ASAP2: variants seen among roughly 807,000 people sequenced by gnomAD.
The protein encoded by ASAP2 is arf-GAP with SH3 domain, ANK repeat and PH domain-containing protein 2.
Under a neutral mutation model 131.4 loss-of-function variants are expected in ASAP2, and 45 were observed. That is an observed-to-expected ratio of 0.34 (90% CI 0.27 to 0.44). The LOEUF (loss-of-function observed/expected upper bound fraction) is 0.44, where lower values mean the gene tolerates loss of function less well. Among genes scored for constraint, ASAP2 ranks in the 20% least tolerant of loss-of-function variants. The pLI, the probability that ASAP2 is intolerant of heterozygous loss-of-function variation, is 1.00. For synonymous variants in ASAP2, 510 were observed against 503.0 expected, an observed-to-expected ratio of 1.01 and a Z score of -0.19; for missense variants, 1,011 against 1,297.0, an observed-to-expected ratio of 0.78 and a Z score of 3.39.
rs1312142215 is a variant in ASAP2, at chr2:9,234,365, T to TGG, written c.126+27135_126+27136insGG. On this transcript the variant is annotated intron_variant, in intron 1 of 27. Transcript: ENST00000281419. ...TCAGTGAGAAAACCCGGGGAGAACA[T>TGG]TTAGCCAGAGCCTGTCGCATGGCTG... Among the ~76,000 whole-genome samples, 15 of 152,200 alleles carry TGG rather than the reference T, an allele frequency of 9.9e-5. 1 individual carries two copies. The South Asian group carries it at 2.5e-3, about 25-fold the overall frequency.
intron 1 of ASAP2, among the ~76,000 whole-genome samples, chr2:9,229,817 GCCTGGC>G (rs1320586777): frequency 2.0e-5 from 3 of 152,186 alleles, no homozygotes; most frequent in Admixed American, 6.5e-5. Context: ...TGAAGCAAGT[GCCTGGC>G]CCTGGAGGTG....
intron 20 of ASAP2, among the ~76,000 whole-genome samples, chr2:9,381,745 C>T (rs974402053): frequency 3.9e-5 from 6 of 152,018 alleles, no homozygotes; most frequent in Non-Finnish European, 7.4e-5. Flanking sequence ...TCCACAAAAA[C>T]GTTTCGAATT....
intron 6 of ASAP2, among the ~76,000 whole-genome samples, chr2:9,324,027 A>G (rs1277632561): frequency 6.6e-6 from 1 of 152,144 alleles, no homozygotes; most frequent in Non-Finnish European, 1.5e-5. Context: ...CTTGCACTGG[A>G]TGGTATTTGT....
At chr2:9,293,591 T>A (rs1424018930) in intron 2 of ASAP2, among the ~76,000 whole-genome samples, 2 of 152,226 alleles carry the variant, frequency 1.3e-5, no homozygotes, top group Non-Finnish European at 2.9e-5. Context: ...AGGCACTGAA[T>A]GATTTTCTGT....
At chr2:9,287,704 A>G (rs912994861) in intron 2 of ASAP2, among the ~76,000 whole-genome samples, 1 of 152,168 alleles carries the variant, frequency 6.6e-6, no homozygotes, top group African/African-American at 2.4e-5. Context: ...GAAGTTATAG[A>G]GGGAGGTGAG....
chr2:9,271,736 C>T (rs752302470), intron 1 of ASAP2: 61 of 423,620 alleles, frequency 1.4e-4, no homozygotes, highest in Middle Eastern at 5.3e-4. Flanking sequence ...GCTGAGTCCT[C>T]GGCAGTGGCT....
At chr2:9,341,768 A>G (rs1055622797) in intron 9 of ASAP2, among the ~76,000 whole-genome samples, 1 of 152,112 alleles carries the variant, frequency 6.6e-6, no homozygotes, top group African/African-American at 2.4e-5. Context: ...TTTGCTCTAA[A>G]TTTTGGTGCC....
intron 1 of ASAP2, among the ~76,000 whole-genome samples, chr2:9,277,304 C>T (rs896718884): frequency 6.6e-5 from 10 of 152,166 alleles, no homozygotes; most frequent in African/African-American, 1.9e-4. Context: ...GCCTAGGTCC[C>T]GCGAGTCTGC....
At chr2:9,241,008 T>C (rs1663923047) in intron 1 of ASAP2, among the ~76,000 whole-genome samples, 1 of 152,244 alleles carries the variant, frequency 6.6e-6, no homozygotes, top group African/African-American at 2.4e-5. Context: ...GTGTGAGATT[T>C]CATCTCTTGA....
At chr2:9,300,874 T>C (rs1301078678) in intron 3 of ASAP2, among the ~76,000 whole-genome samples, 2 of 152,314 alleles carry the variant, frequency 1.3e-5, no homozygotes, top group African/African-American at 4.8e-5. Flanking sequence ...GGAAGTCGGA[T>C]TGTTGATCCT....
At chr2:9,383,619 T>C (rs2715858) in intron 20 of ASAP2, among the ~76,000 whole-genome samples, 41,554 of 151,990 alleles carry the variant, frequency 0.27, 10,908 homozygotes, top group African/African-American at 0.69. Flanking sequence ...ATTCAGACCC[T>C]TCCCATAATC....
chr2:9,397,948 T>C (rs1166845146), intron 24 of ASAP2, among the ~76,000 whole-genome samples: 4 of 150,394 alleles, frequency 2.7e-5, no homozygotes, highest in African/African-American at 9.8e-5. Flanking sequence ...TTAGTAGAGA[T>C]GAGGTTTCAG....
intron 6 of ASAP2, 66 bp from the exon 7 acceptor site, chr2:9,327,760 T>C (rs774723673): frequency 7.4e-6 from 9 of 1,222,288 alleles, no homozygotes; most frequent in South Asian, 1.4e-5. Flanking sequence ...ATCTCAGTCC[T>C]CAGAAGCTCC....
intron 1 of ASAP2, among the ~76,000 whole-genome samples, chr2:9,272,019 C>G (rs1014545850): frequency 2.6e-5 from 4 of 152,052 alleles, no homozygotes; most frequent in African/African-American, 9.7e-5. Flanking sequence ...GCAGTAAACA[C>G]GGGAGAGCAG....
At chr2:9,351,501 C>G (rs1478705291) in intron 12 of ASAP2, among the ~76,000 whole-genome samples, 1 of 152,030 alleles carries the variant, frequency 6.6e-6, no homozygotes, top group African/African-American at 2.4e-5. Flanking sequence ...TAAGATAAAC[C>G]TTTTTTCCTA....
intron 1 of ASAP2, among the ~76,000 whole-genome samples, chr2:9,255,959 A>G (rs1303955536): frequency 3.9e-5 from 6 of 152,112 alleles, no homozygotes; most frequent in Non-Finnish European, 7.4e-5. Flanking sequence ...GGGGTTTATA[A>G]GCAGGTTATA....
chr2:9,402,180 G>T (rs1676768735), intron 27 of ASAP2, among the ~76,000 whole-genome samples: 1 of 152,200 alleles, frequency 6.6e-6, no homozygotes, highest in Admixed American at 6.5e-5. Flanking sequence ...ACTGTCTTTA[G>T]TCACTGTCCC....
chr2:9,402,970 C>T (rs1008963299), intron 27 of ASAP2, among the ~76,000 whole-genome samples: 1 of 152,188 alleles, frequency 6.6e-6, no homozygotes, highest in African/African-American at 2.4e-5. Context: ...AGACAGCTGA[C>T]CTGTGTGCCT....
chr2:9,297,788 A>G (rs1215583944), intron 3 of ASAP2, among the ~76,000 whole-genome samples: 1 of 152,198 alleles, frequency 6.6e-6, no homozygotes, highest in Non-Finnish European at 1.5e-5. Flanking sequence ...GTAGGCATTT[A>G]AGCTTATAAT....
Sources: gnomAD v4.1 joint callset for allele counts (sites outside exome capture counted in the v4.1 genomes callset) on GRCh38, gnomAD v4.1.1 for gene constraint, MANE v1.5 for transcripts, NCBI Gene and HGNC (gene_info 2026-07-23, HGNC 2026-07-21) for gene names.